NUDCD3: variants seen among roughly 807,000 people sequenced by gnomAD.
NUDCD3 encodes the protein nudC domain-containing protein 3.
NUDCD3 carries 13 observed loss-of-function variants against 39.7 expected under a neutral mutation model. The observed-to-expected ratio is 0.33, with a 90% CI of 0.21 to 0.52. NUDCD3 has a LOEUF of 0.52. NUDCD3 is among the 20% of genes least tolerant of loss of function. The probability of loss-of-function intolerance (pLI) is 0.96; values close to 1 mark genes in which losing one functional copy is unlikely to be tolerated. For synonymous variants in NUDCD3, 175 were observed against 172.4 expected, an observed-to-expected ratio of 1.02 and a Z score of -0.12; for missense variants, 453 against 458.1, an observed-to-expected ratio of 0.99 and a Z score of 0.10.
At chr7:44,398,200 C>T (rs1410526153) in intron 4 of NUDCD3, among the ~76,000 whole-genome samples, 2 of 152,160 alleles carry the variant, frequency 1.3e-5, no homozygotes, top group Non-Finnish European at 2.9e-5. Context: ...ACTTTCTTGC[C>T]CTAGTCCCTC....
At chr7:44,398,785 C>T (rs749341900) in intron 4 of NUDCD3, among the ~76,000 whole-genome samples, 70 of 152,258 alleles carry the variant, frequency 4.6e-4, no homozygotes, top group Non-Finnish European at 7.5e-4. Context: ...ACGTTCCTTC[C>T]GGGAAGGCAC....
intron 2 of NUDCD3, among the ~76,000 whole-genome samples, chr7:44,441,391 G>A (rs1799581911): frequency 6.6e-6 from 1 of 152,132 alleles, no homozygotes; most frequent in African/African-American, 2.4e-5. Flanking sequence ...TATATCCTGG[G>A]AGGACTTTCA....
At chr7:44,468,397 C>T (rs1187341823) in intron 2 of NUDCD3, 7 of 1,035,328 alleles carry the variant, frequency 6.8e-6, no homozygotes, top group East Asian at 2.5e-5. Flanking sequence ...CCCAGGGAGA[C>T]GAAAGAATTT....
chr7:44,481,325 T>C (rs1800486972), intron 2 of NUDCD3: 1 of 152,186 alleles, frequency 6.6e-6, no homozygotes, highest in Non-Finnish European at 1.5e-5. Context: ...CAGTCTGAAA[T>C]CCACATAGCA....
At chr7:44,465,016 G>A (rs1012182344) in intron 2 of NUDCD3, among the ~76,000 whole-genome samples, 2 of 152,140 alleles carry the variant, frequency 1.3e-5, no homozygotes, top group African/African-American at 4.8e-5. Context: ...AAACGAAGGT[G>A]TAAACAGAAG....
chr7:44,443,202 A>G (rs944983002), intron 2 of NUDCD3, among the ~76,000 whole-genome samples: 17 of 152,130 alleles, frequency 1.1e-4, no homozygotes, highest in African/African-American at 4.1e-4. Context: ...CACTCTGCAT[A>G]CAGGTGGGAT....
chr7:44,480,993 AT>A (rs1563190539), intron 2 of NUDCD3, among the ~76,000 whole-genome samples: 1 of 151,344 alleles, frequency 6.6e-6, no homozygotes, highest in Admixed American at 6.6e-5. Context: ...AAAAAAAAAA[AT>A]GGATTGTTTT....
chr7:44,446,049 A>G (rs1563179673), intron 2 of NUDCD3, among the ~76,000 whole-genome samples: 1 of 152,216 alleles, frequency 6.6e-6, no homozygotes, highest in Non-Finnish European at 1.5e-5. Flanking sequence ...TGTAGCTGAC[A>G]TTACTGCACA....
intron 2 of NUDCD3, among the ~76,000 whole-genome samples, chr7:44,479,835 T>G (rs1045148981): frequency 6.6e-6 from 1 of 152,222 alleles, no homozygotes; most frequent in Non-Finnish European, 1.5e-5. Context: ...GTGGGAGGAC[T>G]TGGGGTGCAG....
rs768341181 is a variant in NUDCD3 at position 44,427,557 on chromosome 7, G to A, written c.642+14C>T. ...TGGGTGAAGCCGCCCACCCCTACCC[G>A]CCAAGGCCATTACCTGCTTTCCCTT... On this transcript the variant is annotated intron_variant, in intron 3 of 5. Coordinates refer to ENST00000355451, the MANE Select transcript of NUDCD3 (RefSeq NM_015332.4). The A allele has an allele frequency of 2.3e-5, 37 of 1,609,114 alleles. No homozygotes were observed. The highest frequency in any genetic ancestry group is 5.0e-5 in the Admixed American group (3 of 59,412).
intron 4 of NUDCD3, among the ~76,000 whole-genome samples, chr7:44,395,476 A>G (rs532830881): frequency 1.3e-5 from 2 of 152,352 alleles, no homozygotes; most frequent in African/African-American, 4.8e-5. Flanking sequence ...GTGCACAACC[A>G]TCACCTTTAT....
rs1183099817 is a variant in NUDCD3 at position 44,381,966 on chromosome 7, G to A, written c.*4045C>T. 6.6e-6 allele frequency: 1 copy of A among 152,260 alleles called. No homozygotes were observed. Among genetic ancestry groups the A allele is most frequent in the Non-Finnish European group, 1.5e-5 (1 of 68,088 alleles). 9.4% of individuals were successfully genotyped at this position (152,260 alleles called of 1,614,324 possible). Reference sequence around the variant, plus strand: ...TCTGGTCTCCCCATCACCCTCTGAGGGGGAAGCAGGAAGTTGTGAGGGGTA... The same window carrying A: ...TCTGGTCTCCCCATCACCCTCTGAGAGGGAAGCAGGAAGTTGTGAGGGGTA... On this transcript the variant is annotated 3_prime_UTR_variant, in exon 6 of 6. Transcript: ENST00000355451.
chr7:44,488,191 C>T (rs1800653723), intron 1 of NUDCD3, among the ~76,000 whole-genome samples: 2 of 151,198 alleles, frequency 1.3e-5, no homozygotes, highest in Admixed American at 6.6e-5. Flanking sequence ...AAAAATCAGC[C>T]GGGCGTGGTG....
At chr7:44,428,202 A>AG (rs1026511410) in intron 2 of NUDCD3, among the ~76,000 whole-genome samples, 63 of 151,288 alleles carry the variant, frequency 4.2e-4, no homozygotes, top group African/African-American at 1.5e-3. Flanking sequence ...TGGGAGGCCA[A>AG]GGGCGGGTGA....
chr7:44,432,354 G>A (rs538085248), intron 2 of NUDCD3, among the ~76,000 whole-genome samples: 9 of 152,302 alleles, frequency 5.9e-5, no homozygotes, highest in Admixed American at 1.3e-4. Flanking sequence ...AAGAGTAAAA[G>A]GAGGTCAAAG....
intron 4 of NUDCD3, among the ~76,000 whole-genome samples, chr7:44,393,922 G>A (rs1389125240): frequency 6.6e-6 from 1 of 152,138 alleles, no homozygotes; most frequent in Non-Finnish European, 1.5e-5. Context: ...AGACTCACCA[G>A]TATACACGGG....
At chr7:44,397,159 CAT>C (rs1798639977) in intron 4 of NUDCD3, among the ~76,000 whole-genome samples, 1 of 152,194 alleles carries the variant, frequency 6.6e-6, no homozygotes, top group Non-Finnish European at 1.5e-5. Flanking sequence ...CAGAATGTCA[CAT>C]GTGTGGAATC....
At chr7:44,406,445 C>T (rs562780939) in intron 3 of NUDCD3, among the ~76,000 whole-genome samples, 1 of 152,322 alleles carries the variant, frequency 6.6e-6, no homozygotes, top group Admixed American at 6.5e-5. Context: ...CATGTTGGGC[C>T]AAATCATGTC....
At chr7:44,424,819 T>C (rs1356515595) in intron 3 of NUDCD3, among the ~76,000 whole-genome samples, 1 of 152,138 alleles carries the variant, frequency 6.6e-6, no homozygotes, top group Admixed American at 6.5e-5. Flanking sequence ...TATAAATCAT[T>C]CTACTATAAA....
Sources: gnomAD v4.1 joint callset for allele counts (sites outside exome capture counted in the v4.1 genomes callset) on GRCh38, gnomAD v4.1.1 for gene constraint, MANE v1.5 for transcripts, NCBI Gene and HGNC (gene_info 2026-07-23, HGNC 2026-07-21) for gene names.